The following HDAC8 variants were observed in gnomAD, a reference collection of about 807,000 sequenced individuals.
HDAC8 encodes histone deacetylase-like 1.
A neutral mutation model predicts 32.2 loss-of-function variants in HDAC8; 1 was observed. That is an observed-to-expected ratio of 0.03 (90% CI 0.01 to 0.15). HDAC8 has a LOEUF of 0.15. Among genes scored for constraint, HDAC8 ranks in the 10% least tolerant of loss-of-function variants. HDAC8 has a pLI of 1.00. For missense variants in HDAC8, 117 were observed against 300.0 expected, an observed-to-expected ratio of 0.39 and a Z score of 4.51; for synonymous variants, 108 against 113.9, an observed-to-expected ratio of 0.95 and a Z score of 0.33.
intron 7 of HDAC8, among the ~76,000 whole-genome samples, chrX:72,478,655 C>CTTT (rs199844895): frequency 1.1e-5 from 1 of 93,829 alleles, no homozygotes; most frequent in Non-Finnish European, 2.1e-5. Context: ...TCCTTTAGTC[C>CTTT]TTTTTTTTTT....
At chrX:72,335,658 C>T (rs1410886545) in intron 10 of HDAC8, among the ~76,000 whole-genome samples, 3 of 111,501 alleles carry the variant, frequency 2.7e-5, no homozygotes, top group African/African-American at 6.5e-5. Flanking sequence ...TGCCTGTAAT[C>T]CCAGTGTTTT....
intron 7 of HDAC8, among the ~76,000 whole-genome samples, chrX:72,470,351 T>G (rs868943228): frequency 2.8e-4 from 31 of 111,546 alleles, no homozygotes; most frequent in African/African-American, 9.4e-4. Context: ...CGGAACTGGT[T>G]GAAGCTATGT....
intron 9 of HDAC8, among the ~76,000 whole-genome samples, chrX:72,426,748 C>T (rs2046649791): frequency 1.8e-5 from 2 of 110,276 alleles, no homozygotes; most frequent in African/African-American, 6.6e-5. Context: ...ATCCCATCTA[C>T]TAGACTGAAC....
intron 9 of HDAC8, among the ~76,000 whole-genome samples, chrX:72,386,314 A>G: frequency 8.9e-6 from 1 of 111,875 alleles, no homozygotes; most frequent in Admixed American, 9.5e-5. Flanking sequence ...CAAATTCCAA[A>G]TCTTGTTTAT....
intron 4 of HDAC8, among the ~76,000 whole-genome samples, chrX:72,530,768 G>A (rs143135514): frequency 3.1e-4 from 35 of 111,758 alleles, no homozygotes; most frequent in African/African-American, 1.0e-3. Flanking sequence ...CCATGGGCCA[G>A]GCTTATACTT....
chrX:72,388,595 TACACACACAC>T (rs59374504), intron 9 of HDAC8, among the ~76,000 whole-genome samples: 31 of 88,401 alleles, frequency 3.5e-4, no homozygotes, highest in Admixed American at 7.7e-4. Flanking sequence ...CCACAGTGAT[TACACACACAC>T]ACACACACAC....
At chrX:72,407,679 T>C (rs1246110095) in intron 9 of HDAC8, among the ~76,000 whole-genome samples, 4 of 111,811 alleles carry the variant, frequency 3.6e-5, no homozygotes, top group African/African-American at 1.3e-4. Context: ...AAGAGTCCTC[T>C]AAAAGGCAAG....
chrX:72,456,137 G>C (rs1177889992), intron 9 of HDAC8, among the ~76,000 whole-genome samples: 1 of 111,913 alleles, frequency 8.9e-6, no homozygotes, highest in Non-Finnish European at 1.9e-5. Flanking sequence ...GAAGTCAGCT[G>C]TCTTCTATTA....
At chrX:72,468,350 G>C (rs1169850681) in intron 7 of HDAC8, among the ~76,000 whole-genome samples, 1 of 111,177 alleles carries the variant, frequency 9.0e-6, no homozygotes, top group Non-Finnish European at 1.9e-5. Context: ...AGCAAGGTAA[G>C]GTAAATTTGG....
intron 9 of HDAC8, chrX:72,377,128 C>T (rs1394456567): frequency 9.0e-6 from 1 of 111,444 alleles, no homozygotes; most frequent in African/African-American, 3.3e-5. Flanking sequence ...CTGATAAGGA[C>T]AGATACTACA....
rs962252078 is a variant in HDAC8 at position 72,495,232 on chromosome X, A to G, written c.474T>C (p.Ala158=). The change falls in exon 5 of 11, where the codon GCT becomes GCC. Residue 158 remains alanine, a synonymous_variant. Coordinates refer to ENST00000373573, the MANE Select transcript of HDAC8 (RefSeq NM_018486.3). ...GTCGCAATCGTAATATTCCCAGGAC[A>G]GCATCATTGAGATAACAAAAACCAG... The part of the protein sequence containing the change: ...EASGFCYLND[A]VLGILRLRRK... 1.2e-5 allele frequency: 15 copies of G among 1,205,305 alleles called. No homozygotes were observed. The highest frequency in any genetic ancestry group is 1.6e-5 in the Non-Finnish European group (14 of 892,178).
chrX:72,394,917 A>C (rs782565187), intron 9 of HDAC8, among the ~76,000 whole-genome samples: 2 of 111,564 alleles, frequency 1.8e-5, no homozygotes, highest in African/African-American at 3.3e-5. Flanking sequence ...GGGGCAAATT[A>C]TGTGAGCATT....
chrX:72,404,993 CAGGG>C (rs2045999705), intron 9 of HDAC8, among the ~76,000 whole-genome samples: 5 of 110,839 alleles, frequency 4.5e-5, no homozygotes, highest in African/African-American at 1.6e-4. Context: ...CTTTTAAGTT[CAGGG>C]TACAAGTGCA....
intron 9 of HDAC8, among the ~76,000 whole-genome samples, chrX:72,416,341 T>C (rs1016302245): frequency 9.4e-6 from 1 of 105,918 alleles, no homozygotes; most frequent in Non-Finnish European, 1.9e-5. Context: ...TAGTATTGCT[T>C]TGATACCTGT....
intron 4 of HDAC8, among the ~76,000 whole-genome samples, chrX:72,498,158 T>C (rs1174244105): frequency 2.4e-5 from 2 of 84,889 alleles, no homozygotes; most frequent in African/African-American, 1.1e-4. Context: ...TCCTCACTGT[T>C]AAAATGGCAA....
chrX:72,535,101 T>C (rs2050480621), intron 4 of HDAC8, among the ~76,000 whole-genome samples: 1 of 112,136 alleles, frequency 8.9e-6, no homozygotes, highest in Admixed American at 9.4e-5. Flanking sequence ...TCATTCTTAC[T>C]TTCAAACAAG....
intron 4 of HDAC8, among the ~76,000 whole-genome samples, chrX:72,499,872 T>C (rs1340846548): frequency 1.8e-5 from 2 of 111,185 alleles, no homozygotes; most frequent in African/African-American, 3.3e-5. Context: ...ATTAATAAGA[T>C]AGGCCGCTAG....
chrX:72,559,324 G>C (rs1309473103), intron 4 of HDAC8, among the ~76,000 whole-genome samples: 1 of 109,176 alleles, frequency 9.2e-6, no homozygotes. Flanking sequence ...TGCCAGCCTC[G>C]GCCTCCCGAG....
intron 9 of HDAC8, among the ~76,000 whole-genome samples, chrX:72,434,919 C>A (rs2046910218): frequency 8.9e-6 from 1 of 111,769 alleles, no homozygotes; most frequent in Non-Finnish European, 1.9e-5. Context: ...TTACTATGAT[C>A]CTTCCCTAGA....
Sources: gnomAD v4.1 joint callset for allele counts (sites outside exome capture counted in the v4.1 genomes callset) on GRCh38, gnomAD v4.1.1 for gene constraint, MANE v1.5 for transcripts, NCBI Gene and HGNC (gene_info 2026-07-23, HGNC 2026-07-21) for gene names.